The following PRKD1 variants were observed in gnomAD, a reference collection of about 807,000 sequenced individuals.
PRKD1 encodes the protein serine/threonine-protein kinase D1.
Under a neutral mutation model 95.9 loss-of-function variants are expected in PRKD1, and 63 were observed. That is an observed-to-expected ratio of 0.66 (90% CI 0.54 to 0.81). The LOEUF (loss-of-function observed/expected upper bound fraction) is 0.81. Among genes scored for constraint, PRKD1 ranks in the 30% least tolerant of loss-of-function variants. PRKD1 has a pLI of 0.00. For synonymous variants in PRKD1, 425 were observed against 423.1 expected (o/e 1.00, Z -0.05); for missense variants, 1,048 against 1,165.3 (o/e 0.90, Z 1.47).
intron 1 of PRKD1, among the ~76,000 whole-genome samples, chr14:29,834,520 A>T (rs1048468769): frequency 6.6e-6 from 1 of 152,150 alleles, no homozygotes; most frequent in Non-Finnish European, 1.5e-5. Context: ...TTAGAAACAA[A>T]GTGAATTAAC....
At chr14:29,837,364 C>G (rs1429732430) in intron 1 of PRKD1, among the ~76,000 whole-genome samples, 3 of 152,070 alleles carry the variant, frequency 2.0e-5, no homozygotes, top group African/African-American at 4.8e-5. Flanking sequence ...ATACATAAAC[C>G]ATTGCACTTT....
In PRKD1 at chr14:29,668,553, A is replaced by C. The variant is rs1431742548; in HGVS notation, c.404-2345T>G. On this transcript the variant is annotated intron_variant, in intron 2 of 17. Coordinates refer to ENST00000331968, the MANE Select transcript of PRKD1 (RefSeq NM_002742.3). ...GCTTTTCTTAGTCATTGAGCATTTG[A>C]AACAGGTAATTGAGCCAAAAACCCT... Among the ~76,000 whole-genome samples, 4 of 152,206 alleles carry C rather than the reference A, an allele frequency of 2.6e-5. 1 individual carries two copies. Among genetic ancestry groups the C allele is most frequent in the African/African-American group, 9.6e-5 (4 of 41,460 alleles).
intron 1 of PRKD1, among the ~76,000 whole-genome samples, chr14:29,905,995 A>G (rs1487580401): frequency 6.6e-6 from 1 of 152,196 alleles, no homozygotes; most frequent in Non-Finnish European, 1.5e-5. Flanking sequence ...AAAAAGATAA[A>G]AACAGTAAGG....
chr14:29,849,898 T>C (rs989463264), intron 1 of PRKD1, among the ~76,000 whole-genome samples: 1 of 152,208 alleles, frequency 6.6e-6, no homozygotes, highest in African/African-American at 2.4e-5. Context: ...TGGTACAACA[T>C]ATGCCAATCA....
chr14:29,816,898 C>T (rs1237213484), intron 1 of PRKD1, among the ~76,000 whole-genome samples: 1 of 152,084 alleles, frequency 6.6e-6, no homozygotes, highest in African/African-American at 2.4e-5. Flanking sequence ...CTGCCTTCAG[C>T]AGAAAATACA....
chr14:29,856,710 G>A (rs1892519551), intron 1 of PRKD1, among the ~76,000 whole-genome samples: 1 of 152,156 alleles, frequency 6.6e-6, no homozygotes, highest in Non-Finnish European at 1.5e-5. Flanking sequence ...AGTACCATGG[G>A]TCCTGAAGGC....
chr14:29,747,388 G>T (rs913957492), intron 1 of PRKD1, among the ~76,000 whole-genome samples: 5 of 152,066 alleles, frequency 3.3e-5, no homozygotes, highest in Admixed American at 6.6e-5. Context: ...AAAATAATTT[G>T]TTGGTTTCTC....
At chr14:29,641,318 T>G (rs767689893) in intron 4 of PRKD1, among the ~76,000 whole-genome samples, 1 of 152,196 alleles carries the variant, frequency 6.6e-6, no homozygotes, top group Non-Finnish European at 1.5e-5. Flanking sequence ...CAAAATCAGA[T>G]AGCAATCCAA....
intron 13 of PRKD1, among the ~76,000 whole-genome samples, chr14:29,605,898 CCT>C (rs770559821): frequency 6.6e-6 from 1 of 152,128 alleles, no homozygotes; most frequent in Non-Finnish European, 1.5e-5. Flanking sequence ...ATAGTGATAG[CCT>C]CTCTTCAGAA....
intron 1 of PRKD1, among the ~76,000 whole-genome samples, chr14:29,886,390 A>G (rs556106282): frequency 6.6e-6 from 1 of 152,334 alleles, no homozygotes; most frequent in East Asian, 1.9e-4. Context: ...AAACGTAGAT[A>G]CATCCAGATC....
chr14:29,765,465 G>A (rs1204432631), intron 1 of PRKD1, among the ~76,000 whole-genome samples: 1 of 152,116 alleles, frequency 6.6e-6, no homozygotes, highest in Non-Finnish European at 1.5e-5. Flanking sequence ...AACCATTTCA[G>A]AAACATTTGG....
At chr14:29,703,070 A>G (rs1884917238) in intron 2 of PRKD1, among the ~76,000 whole-genome samples, 1 of 152,088 alleles carries the variant, frequency 6.6e-6, no homozygotes, top group South Asian at 2.1e-4. Context: ...ACGTGGTCAA[A>G]TCTGTGATTT....
At chr14:29,591,740 T>C (rs191135960) in intron 16 of PRKD1, among the ~76,000 whole-genome samples, 14 of 152,264 alleles carry the variant, frequency 9.2e-5, no homozygotes, top group Non-Finnish European at 1.9e-4. Context: ...TTTTACATTT[T>C]CCATTTTTAA....
At chr14:29,816,233 A>C (rs759219036) in intron 1 of PRKD1, among the ~76,000 whole-genome samples, 1 of 152,168 alleles carries the variant, frequency 6.6e-6, no homozygotes, top group South Asian at 2.1e-4. Flanking sequence ...CTCAGTAAAT[A>C]AATAAATAAA....
chr14:29,591,252 T>G (rs1179291034), intron 16 of PRKD1: 1 of 152,194 alleles, frequency 6.6e-6, no homozygotes, highest in Non-Finnish European at 1.5e-5. Context: ...CATGGCAATC[T>G]GTAACATGAA....
chr14:29,656,083 A>G (rs1881819024), intron 4 of PRKD1, among the ~76,000 whole-genome samples: 1 of 152,136 alleles, frequency 6.6e-6, no homozygotes, highest in Non-Finnish European at 1.5e-5. Flanking sequence ...AATGTGCATA[A>G]GATTCATTTA....
intron 1 of PRKD1, among the ~76,000 whole-genome samples, chr14:29,816,760 A>T (rs1800289600): frequency 6.6e-6 from 1 of 152,286 alleles, no homozygotes; most frequent in Admixed American, 6.5e-5. Context: ...GCTGTCATCC[A>T]GGATATTGTG....
At chr14:29,683,073 G>C (rs1883625084) in intron 2 of PRKD1, among the ~76,000 whole-genome samples, 1 of 152,198 alleles carries the variant, frequency 6.6e-6, no homozygotes, top group East Asian at 1.9e-4. Flanking sequence ...GAGATGGTGT[G>C]AGATCATGGC....
intron 1 of PRKD1, among the ~76,000 whole-genome samples, chr14:29,826,646 T>C (rs1475271522): frequency 2.1e-5 from 1 of 48,450 alleles, no homozygotes; most frequent in Non-Finnish European, 3.8e-5. Flanking sequence ...TGTGTGTGTA[T>C]ATATATGTGT....
Sources: allele counts gnomAD v4.1 joint callset (sites outside exome capture counted in the v4.1 genomes callset), GRCh38; gene constraint gnomAD v4.1.1; transcripts MANE v1.5; gene names NCBI Gene and HGNC (gene_info 2026-07-23, HGNC 2026-07-21).